GABBR1: variants seen among roughly 807,000 people sequenced by gnomAD.
The protein encoded by GABBR1 is GABA-B receptor, R1 subunit.
GABBR1 carries 35 observed loss-of-function variants against 117.7 expected under a neutral mutation model. That is an observed-to-expected ratio of 0.30 (90% CI 0.23 to 0.39). The LOEUF is 0.39. GABBR1 is among the 10% of genes least tolerant of loss of function. GABBR1 has a pLI of 1.00. For missense variants in GABBR1, 709 were observed against 1,241.8 expected, an observed-to-expected ratio of 0.57 and a Z score of 6.45; for synonymous variants, 442 against 486.6, an observed-to-expected ratio of 0.91 and a Z score of 1.21.
At chr6:29,616,973 C>G (rs1174970915) in intron 11 of GABBR1, among the ~76,000 whole-genome samples, 2 of 144,388 alleles carry the variant, frequency 1.4e-5, no homozygotes, top group Admixed American at 1.4e-4. Flanking sequence ...CGGTGAAACC[C>G]CGTCTCTACT....
Position 29,623,947 on chromosome 6 carries a change from G to A in GABBR1, c.735C>T (p.Gly245=). 3 of 1,613,050 alleles carry A rather than the reference G, an allele frequency of 1.9e-6. No homozygotes were observed. Among genetic ancestry groups the A allele is most frequent in the Non-Finnish European group, 2.5e-6 (3 of 1,180,010 alleles). Residue 245 remains glycine (G), a synonymous_variant, in exon 7 of 23, where the codon GGC becomes GGT. Coordinates refer to ENST00000377034, the MANE Select transcript of GABBR1 (RefSeq NM_001470.4). This position sits in a 1 kb window ranked among gnomAD's most constrained non-coding sequence, Gnocchi z 6.2. ...CCACCAGCGTGGAGACAGAGCTGCA[G>A]CCAGGCATAAGGATGATCTTGATAG... ...NDPIKIILMP[G]CSSVSTLVAE... is the part of the protein sequence containing the mutation.
chr6:29,603,265 C>T lies in GABBR1; in HGVS notation c.*278G>A, dbSNP rs9257923. On this transcript the variant is annotated 3_prime_UTR_variant, in exon 23 of 23. Coordinates refer to ENST00000377034, the MANE Select transcript of GABBR1 (RefSeq NM_001470.4). ...TGCAGTGAGGCTGCTGAGGAGGCAG[C>T]GTGTGAGCAGTGAGCAGCTTCAAGC... 1.1e-5 allele frequency: 7 copies of T among 630,636 alleles called. No individual in the cohort carries two copies. The highest frequency in any genetic ancestry group is 3.3e-5 in the East Asian group (1 of 30,538). 39.1% of individuals were successfully genotyped at this position (630,636 alleles called of 1,614,324 possible). A position where few individuals can be genotyped will look rare whatever the true frequency, so the allele number is the denominator to read the frequency against.
At chr6:29,610,644 C>T (rs1762442497) in intron 14 of GABBR1, among the ~76,000 whole-genome samples, 1 of 151,828 alleles carries the variant, frequency 6.6e-6, no homozygotes, top group South Asian at 2.1e-4. Flanking sequence ...GTTTCCATTT[C>T]CCGCCCTCTG....
At chr6:29,628,096 CGGGGGGTG>C in intron 5 of GABBR1, 1 of 93,038 alleles carries the variant, frequency 1.1e-5, no homozygotes, top group Non-Finnish European at 1.8e-5. Context: ...CGCGCGGCAG[CGGGGGGTG>C]GGGGGGCGGG....
In GABBR1 at chr6:29,621,073, G is replaced by A; in HGVS notation, c.1323+28C>T. 1 of 1,597,562 alleles carries A rather than the reference G, an allele frequency of 6.3e-7. No individual in the cohort carries two copies. Among genetic ancestry groups the A allele is most frequent in the South Asian group, 1.1e-5 (1 of 89,316 alleles). On this transcript the variant is annotated intron_variant, in intron 11 of 22. Coordinates refer to ENST00000377034, the MANE Select transcript of GABBR1 (RefSeq NM_001470.4). The surrounding 1 kb of genome is among the most constrained non-coding windows in gnomAD (Gnocchi z 5.0). ...CTCAGTCCTCTCCACCCTCCCAGGT[G>A]CCAGACTGCAAGTCCCCACACTCTC...
Position 29,611,497 on chromosome 6 carries a change from C to A in GABBR1, c.1631-496G>T, listed in dbSNP as rs1344807185. Reference sequence around the variant, plus strand: ...AAAGCGCCATTGAGTAAAATTTGGTCATTTCTAAGATTTCTGTTCTAGAAC... The same window carrying A: ...AAAGCGCCATTGAGTAAAATTTGGTAATTTCTAAGATTTCTGTTCTAGAAC... On this transcript the variant is annotated intron_variant, in intron 13 of 22. Transcript: ENST00000377034. The surrounding 1 kb of genome is among the most constrained non-coding windows in gnomAD (Gnocchi z 4.6). Among the ~76,000 whole-genome samples the A allele has an allele frequency of 6.6e-6, 1 of 152,162 alleles. No individual in the cohort carries two copies. The highest frequency in any genetic ancestry group is 2.4e-5 in the African/African-American group (1 of 41,424).
rs117154597 is a variant in GABBR1 at position 29,620,071 on chromosome 6, G to A, written c.1323+1030C>T. Among the ~76,000 whole-genome samples, 620 of 152,300 alleles carry A rather than the reference G, an allele frequency of 4.1e-3. 7 individuals carry two copies. The highest frequency in any genetic ancestry group is 0.028 in the East Asian group (147 of 5,184). ...AGTCAGGCTTCATGGTTTTCCATGG[G>A]AAGTGATGAGCAGAGCAGTTTGGAG... On this transcript the variant is annotated intron_variant, in intron 11 of 22. Transcript: ENST00000377034. The surrounding 1 kb of genome is among the most constrained non-coding windows in gnomAD (Gnocchi z 4.5).
Position 29,631,412 on chromosome 6 carries a change from G to A in GABBR1, c.273C>T (p.Asp91=), listed in dbSNP as rs1213281453. Residue 91 remains aspartate, a synonymous_variant, in exon 3 of 23, where the codon GAC becomes GAT. Transcript: ENST00000377034. This position sits in a 1 kb window ranked among gnomAD's most constrained non-coding sequence, Gnocchi z 5.9. ...GCTACTCACCACAGCGGCTGGGTGT[G>A]TCCATATCTGTCCAGGAGCCGTTGG... The part of the protein sequence containing the change: ...CLANGSWTDM[D]TPSRCVRICS... The A allele has an allele frequency of 1.2e-6, 2 of 1,614,074 alleles. No individual in the cohort carries two copies. Among genetic ancestry groups the A allele is most frequent in the Admixed American group, 1.7e-5 (1 of 60,034 alleles).
chr6:29,610,242 C>T (rs913540843), intron 14 of GABBR1, among the ~76,000 whole-genome samples: 1 of 152,026 alleles, frequency 6.6e-6, no homozygotes, highest in African/African-American at 2.4e-5. Context: ...CTCCTATGTC[C>T]TATCATTTAG....
intron 6 of GABBR1, 190 bp from the exon 7 acceptor site, chr6:29,624,214 T>C: frequency 1.8e-6 from 1 of 549,604 alleles, no homozygotes; most frequent in South Asian, 2.7e-5. Context: ...TCATTAAACT[T>C]CCTTCTCTGT....
At chr6:29,612,806 G>A (rs573432120) in intron 12 of GABBR1, among the ~76,000 whole-genome samples, 192 bp from the exon 13 acceptor site, 2 of 152,302 alleles carry the variant, frequency 1.3e-5, no homozygotes, top group African/African-American at 2.4e-5. Flanking sequence ...TTATTCTTTG[G>A]AGAAGGAGCT....
rs1479786563 is a variant in GABBR1, at chr6:29,606,344, T to C, written c.2311+47A>G. ...CCAAGCCCTCTACCCCTGCCTTCCC[T>C]CCTGCCTTTGTGCATCCCTGCCCTC... is the stretch of plus-strand genomic sequence containing the variant. On this transcript the variant is annotated intron_variant, in intron 19 of 22. Transcript: ENST00000377034. This position sits in a 1 kb window ranked among gnomAD's most constrained non-coding sequence, Gnocchi z 4.5. 7.2e-7 allele frequency: 1 copy of C among 1,397,310 alleles called. No homozygotes were observed. The highest frequency in any genetic ancestry group is 1.7e-5 in the Admixed American group (1 of 59,696). 86.6% of individuals were successfully genotyped at this position (1,397,310 alleles called of 1,614,324 possible).
At chr6:29,628,366 T>A in intron 5 of GABBR1, 1 of 153,366 alleles carries the variant, frequency 6.5e-6, no homozygotes, top group Non-Finnish European at 1.4e-5. Flanking sequence ...AAGGGAAGGA[T>A]GCGAGTGGGA....
chr6:29,627,525 C>T lies in GABBR1; in HGVS notation c.618G>A (p.Leu206=). 1.9e-6 allele frequency: 3 copies of T among 1,575,038 alleles called. No homozygotes were observed. The highest frequency in any genetic ancestry group is 2.6e-6 in the Non-Finnish European group (3 of 1,159,796). ...LEDVNSRRDI[L]PDYELKLIHH... ...GGATGAGCTTGAGCTCATAGTCCGG[C>T]AGGATGTCCCTGCGGCTATTCACGT... The change falls in exon 6 of 23, where the codon CTG becomes CTA. Residue 206 remains leucine (L), a synonymous_variant. Coordinates refer to ENST00000377034, the MANE Select transcript of GABBR1 (RefSeq NM_001470.4). This position sits in a 1 kb window ranked among gnomAD's most constrained non-coding sequence, Gnocchi z 4.4.
In GABBR1 at chr6:29,602,787, C is replaced by T; in HGVS notation, c.*756G>A. ...GCTAGACAAATTGCACATGCCTACC[C>T]AAACACGCTCAAGGGCAGACCCATG... On this transcript the variant is annotated 3_prime_UTR_variant, in exon 23 of 23. Coordinates refer to ENST00000377034, the MANE Select transcript of GABBR1 (RefSeq NM_001470.4). 1 of 348,412 alleles carries T rather than the reference C, an allele frequency of 2.9e-6. No individual in the cohort carries two copies. The highest frequency in any genetic ancestry group is 2.2e-5 in the South Asian group (1 of 45,504). The allele number at this position is 348,412 out of a possible 1,614,324, so 21.6% of individuals were successfully genotyped here.
At position 29,623,384 on chromosome 6, in the gene GABBR1, G is replaced by C; in HGVS notation, c.884C>G (p.Pro295Arg). 6.2e-7 allele frequency: 1 copy of C among 1,614,178 alleles called. No individual in the cohort carries two copies. Among genetic ancestry groups the C allele is most frequent in the Non-Finnish European group, 8.5e-7 (1 of 1,180,034 alleles). The change falls in exon 8 of 23, where the codon CCT becomes CGT. Residue 295 changes from proline to arginine, a missense_variant. This residue lies in a region of GABBR1 where 192 missense variants were observed against 418.4 expected (regional missense o/e 0.46). Transcript: ENST00000377034. This position sits in a 1 kb window ranked among gnomAD's most constrained non-coding sequence, Gnocchi z 6.2. The stretch of plus-strand genomic sequence containing the variant: ...CTTTTCAAAGAGTTTCACGCGGGTA[G>C]GGTTGTGGAGTGTGGCTGATGGGTG... ...RTHPSATLHN[P>R]TRVKLFEKWG... is the part of the protein sequence containing the mutation.
rs1299577288 is a variant in GABBR1 at position 29,632,616 on chromosome 6, C to G, written c.1-231G>C. 4.5e-6 allele frequency: 6 copies of G among 1,343,788 alleles called. No individual in the cohort carries two copies. The highest frequency in any genetic ancestry group is 1.5e-5 in the African/African-American group (1 of 66,272). The allele number at this position is 1,343,788 out of a possible 1,614,324, so 83.2% of individuals were successfully genotyped here. A position where few individuals can be genotyped will look rare whatever the true frequency, so the allele number is the denominator to read the frequency against. The stretch of plus-strand genomic sequence containing the variant: ...CCTGCCTCCCTCGGCCCCCAACCCT[C>G]CCGGGACTCCACCTCTCACCACCTC... On this transcript the variant is annotated intron_variant, in intron 1 of 22. Coordinates refer to ENST00000377034, the MANE Select transcript of GABBR1 (RefSeq NM_001470.4). This position sits in a 1 kb window ranked among gnomAD's most constrained non-coding sequence, Gnocchi z 5.8.
In GABBR1 at chr6:29,605,807, T is replaced by C; in HGVS notation, c.2312-111A>G. 7.5e-7 allele frequency: 1 copy of C among 1,340,982 alleles called. No individual in the cohort carries two copies. Among genetic ancestry groups the C allele is most frequent in the Non-Finnish European group, 1.0e-6 (1 of 983,004 alleles). 83.1% of individuals were successfully genotyped at this position (1,340,982 alleles called of 1,614,324 possible). A position where few individuals can be genotyped will look rare whatever the true frequency, so the allele number is the denominator to read the frequency against. ...CTCTGAAATGGAAAGGGGGCCCTCC[T>C]CTCCAATCCAACCCCTCTGACCTAG... On this transcript the variant is annotated intron_variant, in intron 19 of 22. Transcript: ENST00000377034. The surrounding 1 kb of genome is among the most constrained non-coding windows in gnomAD (Gnocchi z 4.2).
At position 29,627,769 on chromosome 6, in the gene GABBR1, G is replaced by A; in HGVS notation, c.497-123C>T. ...AAGCGGCAGTGGCCACCCCACCCGG[G>A]CAAAAGGGGCCCCGGGCCCCATGGC... On this transcript the variant is annotated intron_variant, in intron 5 of 22. Transcript: ENST00000377034. This position sits in a 1 kb window ranked among gnomAD's most constrained non-coding sequence, Gnocchi z 4.4. 3 of 1,470,252 alleles carry A rather than the reference G, an allele frequency of 2.0e-6. No individual in the cohort carries two copies. Among genetic ancestry groups the A allele is most frequent in the Non-Finnish European group, 2.7e-6 (3 of 1,117,172 alleles). 91.1% of individuals were successfully genotyped at this position (1,470,252 alleles called of 1,614,324 possible).
Sources: allele counts gnomAD v4.1 joint callset (sites outside exome capture counted in the v4.1 genomes callset), GRCh38; gene constraint gnomAD v4.1.1; regional missense constraint gnomAD v4.1.1; non-coding constraint Gnocchi (gnomAD v3.1); transcripts MANE v1.5; gene names NCBI Gene and HGNC (gene_info 2026-07-23, HGNC 2026-07-21).